Variants in CCSER1 observed in about 807,000 individuals in gnomAD.
CCSER1 encodes coiled-coil serine rich protein 1, also known as serine-rich coiled-coil domain-containing protein 1.
In CCSER1, 41 loss-of-function variants were observed where a neutral mutation model predicts 82.0. The ratio of observed to expected loss-of-function variants is 0.50; its 90% CI spans 0.39 to 0.65. The LOEUF is 0.65. CCSER1 is among the 30% of genes least tolerant of loss of function. The pLI, the probability that CCSER1 is intolerant of heterozygous loss-of-function variation, is 0.00. For missense variants in CCSER1, 1,119 were observed against 1,064.2 expected, an observed-to-expected ratio of 1.05 and a Z score of -0.72; for synonymous variants, 414 against 383.9, an observed-to-expected ratio of 1.08 and a Z score of -0.92.
intron 1 of CCSER1, among the ~76,000 whole-genome samples, chr4:90,150,930 T>A (rs886271402): frequency 7.2e-5 from 11 of 152,180 alleles, no homozygotes; most frequent in Admixed American, 2.0e-4. Flanking sequence ...GGAGTTTATT[T>A]AAAATATTAC....
chr4:90,930,552 G>A (rs1002542333), intron 9 of CCSER1, among the ~76,000 whole-genome samples: 16 of 151,938 alleles, frequency 1.1e-4, no homozygotes, highest in African/African-American at 3.9e-4. Context: ...GGCGTAGCTT[G>A]CAGTGAGCCG....
At chr4:90,998,409 T>C (rs1737696404) in intron 9 of CCSER1, among the ~76,000 whole-genome samples, 1 of 152,132 alleles carries the variant, frequency 6.6e-6, no homozygotes, top group African/African-American at 2.4e-5. Flanking sequence ...TTATTTATTT[T>C]CCGTGGATTT....
chr4:90,513,133 G>A (rs777254427), intron 5 of CCSER1, among the ~76,000 whole-genome samples: 4 of 152,172 alleles, frequency 2.6e-5, no homozygotes, highest in Non-Finnish European at 5.9e-5. Context: ...GGGCATGAAT[G>A]TAAGGGAAGT....
chr4:91,165,172 C>T (rs942938685), intron 10 of CCSER1, among the ~76,000 whole-genome samples: 6 of 152,136 alleles, frequency 3.9e-5, no homozygotes, highest in African/African-American at 1.2e-4. Flanking sequence ...TGTTAGTTTT[C>T]CTTCTAAGAG....
chr4:90,604,461 T>C (rs966057822), intron 5 of CCSER1, among the ~76,000 whole-genome samples: 1 of 152,232 alleles, frequency 6.6e-6, no homozygotes, highest in Non-Finnish European at 1.5e-5. Context: ...AGTCTCAACA[T>C]CTATAAAACT....
intron 9 of CCSER1, among the ~76,000 whole-genome samples, chr4:90,938,359 A>G (rs1404936521): frequency 6.6e-6 from 1 of 152,050 alleles, no homozygotes; most frequent in African/African-American, 2.4e-5. Context: ...TAAAGAAAAA[A>G]AGTTTATTAG....
chr4:91,260,500 C>T (rs1741025900), intron 10 of CCSER1, among the ~76,000 whole-genome samples: 1 of 152,170 alleles, frequency 6.6e-6, no homozygotes, highest in African/African-American at 2.4e-5. Flanking sequence ...GCAACCAAAC[C>T]ATAGACAGAT....
chr4:90,315,275 A>C (rs1400786191), intron 3 of CCSER1, among the ~76,000 whole-genome samples: 1 of 152,174 alleles, frequency 6.6e-6, no homozygotes, highest in East Asian at 1.9e-4. Flanking sequence ...TGGCAGAAAG[A>C]CACCACTGCC....
chr4:91,072,513 G>C (rs1293231848), intron 9 of CCSER1, among the ~76,000 whole-genome samples: 2 of 152,168 alleles, frequency 1.3e-5, no homozygotes, highest in Middle Eastern at 3.4e-3. Context: ...CATTAATATA[G>C]TTCTGGAATT....
chr4:90,684,653 A>G (rs6843913), intron 6 of CCSER1, among the ~76,000 whole-genome samples: 69,845 of 151,994 alleles, frequency 0.46, 16,439 homozygotes, highest in Middle Eastern at 0.58. Context: ...AGTAATAAGC[A>G]TATGGTTGTT....
At chr4:91,563,095 T>C (rs1244299129) in intron 10 of CCSER1, among the ~76,000 whole-genome samples, 1 of 151,650 alleles carries the variant, frequency 6.6e-6, no homozygotes, top group Non-Finnish European at 1.5e-5. Flanking sequence ...ATTTTTAAGT[T>C]CTACCAAACA....
chr4:91,183,667 GCTACT>G (rs967594776), intron 10 of CCSER1, among the ~76,000 whole-genome samples: 2 of 152,160 alleles, frequency 1.3e-5, no homozygotes, highest in African/African-American at 4.8e-5. Context: ...GGAAGAAAAA[GCTACT>G]CTACTAAGTC....
intron 5 of CCSER1, among the ~76,000 whole-genome samples, chr4:90,583,151 T>A (rs1224298309): frequency 6.6e-5 from 10 of 152,172 alleles, no homozygotes; most frequent in Non-Finnish European, 1.5e-4. Flanking sequence ...TTATTTCACA[T>A]TTTAAAAATT....
chr4:91,262,947 T>G (rs1021609500), intron 10 of CCSER1, among the ~76,000 whole-genome samples: 10 of 152,024 alleles, frequency 6.6e-5, no homozygotes, highest in Non-Finnish European at 4.4e-5. Flanking sequence ...TCCCTTGCTC[T>G]GGTAATTAAC....
At chr4:91,062,082 T>C (rs1411773410) in intron 9 of CCSER1, among the ~76,000 whole-genome samples, 1 of 152,008 alleles carries the variant, frequency 6.6e-6, no homozygotes, top group Non-Finnish European at 1.5e-5. Context: ...AAATACTACA[T>C]AAATACACCA....
At chr4:90,612,139 TAAAAC>T (rs1034929876) in intron 5 of CCSER1, among the ~76,000 whole-genome samples, 6 of 152,206 alleles carry the variant, frequency 3.9e-5, no homozygotes, top group African/African-American at 1.4e-4. Flanking sequence ...CCTTAAGACT[TAAAAC>T]AACAACAAAA....
At chr4:90,621,882 C>G (rs72659502) in intron 5 of CCSER1, among the ~76,000 whole-genome samples, 6 of 152,156 alleles carry the variant, frequency 3.9e-5, no homozygotes, top group African/African-American at 1.4e-4. Context: ...TCTGCATAGG[C>G]GTAAAAATTG....
intron 5 of CCSER1, among the ~76,000 whole-genome samples, chr4:90,505,485 A>T (rs1445462962): frequency 1.3e-5 from 2 of 152,178 alleles, no homozygotes; most frequent in East Asian, 1.9e-4. Flanking sequence ...GTCTTGGGGG[A>T]TGTCTCCATT....
At chr4:90,949,275 G>T (rs775492279) in intron 9 of CCSER1, among the ~76,000 whole-genome samples, 30 of 151,870 alleles carry the variant, frequency 2.0e-4, no homozygotes, top group Admixed American at 3.3e-4. Flanking sequence ...AATCTTTTCG[G>T]TTCCATCAAA....
Sources: gnomAD v4.1 joint callset for allele counts (sites outside exome capture counted in the v4.1 genomes callset) on GRCh38, gnomAD v4.1.1 for gene constraint, MANE v1.5 for transcripts, NCBI Gene and HGNC (gene_info 2026-07-23, HGNC 2026-07-21) for gene names.